TFEC: variants seen among roughly 807,000 people sequenced by gnomAD.
The protein encoded by TFEC is transcription factor EC.
In TFEC, 31 loss-of-function variants were observed where a neutral mutation model predicts 41.6. That is an observed-to-expected ratio of 0.74 (90% CI 0.56 to 1.01). TFEC has a LOEUF of 1.01. Ranked by LOEUF, TFEC falls within the 50% of genes least tolerant of loss-of-function variation. TFEC has a pLI of 0.00. For synonymous variants in TFEC, 143 were observed against 140.6 expected, an observed-to-expected ratio of 1.02 and a Z score of -0.12; for missense variants, 402 against 404.1, an observed-to-expected ratio of 0.99 and a Z score of 0.04.
intron 3 of TFEC, among the ~76,000 whole-genome samples, chr7:116,080,640 C>T (rs1562962362): frequency 6.6e-6 from 1 of 151,960 alleles, no homozygotes; most frequent in African/African-American, 2.4e-5. Flanking sequence ...AACCACAATG[C>T]AGTGCCACAT....
chr7:116,103,114 T>C (rs1797640456), intron 3 of TFEC, among the ~76,000 whole-genome samples: 1 of 152,140 alleles, frequency 6.6e-6, no homozygotes, highest in Non-Finnish European at 1.5e-5. Context: ...GTAATAACGA[T>C]TACCTGAAAC....
At chr7:116,004,640 A>G (rs1562927782) in intron 1 of TFEC, among the ~76,000 whole-genome samples, 1 of 152,240 alleles carries the variant, frequency 6.6e-6, no homozygotes, top group Non-Finnish European at 1.5e-5. Context: ...ATATTAAAAT[A>G]ATGCTTAGAT....
chr7:116,016,516 T>C (rs778055018), intron 1 of TFEC, among the ~76,000 whole-genome samples: 1 of 152,090 alleles, frequency 6.6e-6, no homozygotes, highest in Non-Finnish European at 1.5e-5. Context: ...GTGCCACAGG[T>C]ACAGCACTAA....
intron 1 of TFEC, among the ~76,000 whole-genome samples, chr7:116,138,247 A>G (rs761887976): frequency 6.6e-5 from 10 of 152,228 alleles, no homozygotes; most frequent in Non-Finnish European, 1.5e-4. Context: ...CACTAAAATC[A>G]GGTGTTAGAT....
chr7:116,154,375 G>A (rs552710715), intron 1 of TFEC, among the ~76,000 whole-genome samples: 1 of 152,132 alleles, frequency 6.6e-6, no homozygotes, highest in South Asian at 2.1e-4. Flanking sequence ...GTATATCACT[G>A]AGCTCCTATT....
intron 7 of TFEC, 145 bp downstream of exon 7, chr7:115,941,748 G>C: frequency 9.2e-7 from 1 of 1,088,100 alleles, no homozygotes; most frequent in Non-Finnish European, 1.3e-6. Flanking sequence ...CCCAATTCAC[G>C]AACTTCTAAA....
chr7:116,107,320 T>TA (rs1797742972), intron 3 of TFEC, among the ~76,000 whole-genome samples: 1 of 152,080 alleles, frequency 6.6e-6, no homozygotes, highest in Admixed American at 6.6e-5. Context: ...ACCTGACTTC[T>TA]AAAAAAACTG....
At chr7:116,071,909 A>G (rs1001340097) in intron 3 of TFEC, among the ~76,000 whole-genome samples, 1 of 151,460 alleles carries the variant, frequency 6.6e-6, no homozygotes, top group Non-Finnish European at 1.5e-5. Context: ...ACTTAGTAGT[A>G]ACAGTAGTAT....
chr7:115,940,429 C>T lies in TFEC; in HGVS notation c.*122G>A. 1 of 1,086,348 alleles carries T rather than the reference C, an allele frequency of 9.2e-7. No homozygotes were observed. Among genetic ancestry groups the T allele is most frequent in the South Asian group, 2.1e-5 (1 of 48,192 alleles). 67.3% of individuals were successfully genotyped at this position (1,086,348 alleles called of 1,614,324 possible). On this transcript the variant is annotated 3_prime_UTR_variant, in exon 8 of 8. Transcript: ENST00000265440. ...TCTTCTGTTGCTTCTATCAGTTTTT[C>T]ATGAACAACACATTCCTTTAAGAAA...
intron 3 of TFEC, among the ~76,000 whole-genome samples, chr7:116,065,023 CAGG>C (rs1796661609): frequency 6.6e-6 from 1 of 152,054 alleles, no homozygotes; most frequent in Non-Finnish European, 1.5e-5. Flanking sequence ...CTCCTGAAAA[CAGG>C]AGGATGAATT....
Position 115,937,746 on chromosome 7 carries a change from T to C in TFEC, c.*2805A>G, listed in dbSNP as rs1415259948. 1 of 151,764 alleles carries C rather than the reference T, an allele frequency of 6.6e-6. No individual in the cohort carries two copies. Among genetic ancestry groups the C allele is most frequent in the Non-Finnish European group, 1.5e-5 (1 of 67,780 alleles). 9.4% of individuals were successfully genotyped at this position (151,764 alleles called of 1,614,324 possible). ...ATAAGTAAGGGTCCCCCCATTGTTA[T>C]ACATGACATTAACCGCACACCTAAG... On this transcript the variant is annotated 3_prime_UTR_variant, in exon 8 of 8. Coordinates refer to ENST00000265440, the MANE Select transcript of TFEC (RefSeq NM_012252.4).
chr7:116,060,180 T>C (rs975076665), intron 3 of TFEC, among the ~76,000 whole-genome samples: 2 of 131,312 alleles, frequency 1.5e-5, no homozygotes. Flanking sequence ...AATGAGCAAT[T>C]GTAATTTTAG....
chr7:116,155,006 A>AGGGTGGTT (rs1798838886), intron 1 of TFEC, among the ~76,000 whole-genome samples: 1 of 152,016 alleles, frequency 6.6e-6, no homozygotes, highest in Admixed American at 6.6e-5. Flanking sequence ...CCTGCTATGC[A>AGGGTGGTT]CCCCCGGAAG....
intron 7 of TFEC, chr7:115,941,336 A>G (rs1793486924): frequency 6.1e-6 from 1 of 163,452 alleles, no homozygotes; most frequent in Admixed American, 6.2e-5. Flanking sequence ...ACATTTTTAA[A>G]AAATCTTGAG....
chr7:116,041,555 G>C (rs1562948013), intron 3 of TFEC, among the ~76,000 whole-genome samples: 1 of 152,144 alleles, frequency 6.6e-6, no homozygotes, highest in Non-Finnish European at 1.5e-5. Context: ...TGAAACAAGA[G>C]AAATCAAGAG....
intron 3 of TFEC, among the ~76,000 whole-genome samples, chr7:116,060,282 A>G (rs1584466455): frequency 1.3e-5 from 2 of 152,284 alleles, no homozygotes; most frequent in Non-Finnish European, 1.5e-5. Flanking sequence ...AATTAGTTCA[A>G]CCATTGCGGA....
In TFEC at chr7:116,143,130, C is replaced by T. The variant is rs73448508; in HGVS notation, c.-69+16660G>A. ...CCTAAATTTCCTCTTTTACAACTCTCGCTAGCTGGATAATGGTGACCACTG... is the reference window on the plus strand; with the variant it reads ...CCTAAATTTCCTCTTTTACAACTCTTGCTAGCTGGATAATGGTGACCACTG... On this transcript the variant is annotated intron_variant, in intron 1 of 8. Transcript: ENST00000484212. 3.3e-3 allele frequency among the ~76,000 whole-genome samples: 498 copies of T among 152,214 alleles called. 5 individuals carry two copies. The highest frequency in any genetic ancestry group is 0.012 in the African/African-American group (478 of 41,530).
chr7:116,047,962 C>T (rs189243686), intron 3 of TFEC, among the ~76,000 whole-genome samples: 427 of 152,214 alleles, frequency 2.8e-3, no homozygotes, highest in African/African-American at 9.8e-3. Context: ...AAAGGACATC[C>T]GCACCAAAAC....
chr7:116,003,309 C>T (rs753494138), intron 1 of TFEC, among the ~76,000 whole-genome samples: 9 of 151,676 alleles, frequency 5.9e-5, no homozygotes, highest in Non-Finnish European at 1.2e-4. Context: ...ATTATGCTAA[C>T]AGTAATCAAG....
Sources: allele counts gnomAD v4.1 joint callset (sites outside exome capture counted in the v4.1 genomes callset), GRCh38; gene constraint gnomAD v4.1.1; transcripts MANE v1.5; gene names NCBI Gene and HGNC (gene_info 2026-07-23, HGNC 2026-07-21).